Variants in ATP8B4 observed in about 807,000 individuals in gnomAD.
ATP8B4 encodes the protein ATPase phospholipid transporting 8B4 (putative).
Under a neutral mutation model 145.6 loss-of-function variants are expected in ATP8B4, and 133 were observed. The observed-to-expected ratio is 0.91, with a 90% CI of 0.79 to 1.05. The LOEUF (loss-of-function observed/expected upper bound fraction) is 1.05. ATP8B4 is among the 50% of genes least tolerant of loss of function. The pLI is 0.00. For missense variants in ATP8B4, 1,458 were observed against 1,425.2 expected (o/e 1.02, Z -0.37); for synonymous variants, 507 against 492.9 (o/e 1.03, Z -0.38).
chr15:49,926,354 T>G (rs770215852), intron 16 of ATP8B4, among the ~76,000 whole-genome samples: 1 of 152,096 alleles, frequency 6.6e-6, no homozygotes, highest in Non-Finnish European at 1.5e-5. Flanking sequence ...CAGTTCTCCC[T>G]TCACCAACCA....
chr15:50,001,524 G>A (rs2047893437), intron 8 of ATP8B4, among the ~76,000 whole-genome samples: 4 of 152,090 alleles, frequency 2.6e-5, no homozygotes, highest in Admixed American at 1.3e-4. Context: ...TTCATTGTCT[G>A]TACAATAGGG....
chr15:50,101,950 C>T (rs2056382186), intron 2 of ATP8B4, among the ~76,000 whole-genome samples: 1 of 151,944 alleles, frequency 6.6e-6, no homozygotes, highest in African/African-American at 2.4e-5. Context: ...CCCTTAAAAC[C>T]ATGCAAATAA....
At chr15:49,964,932 C>T (rs1252031343) in intron 13 of ATP8B4, among the ~76,000 whole-genome samples, 5 of 152,106 alleles carry the variant, frequency 3.3e-5, no homozygotes, top group Admixed American at 2.6e-4. Flanking sequence ...AAAATATTTT[C>T]AATATTCTGA....
Position 49,969,570 on chromosome 15 carries a change from C to T in ATP8B4, c.1243+3012G>A, listed in dbSNP as rs570787703. Among the ~76,000 whole-genome samples, 5 of 152,172 alleles carry T rather than the reference C, an allele frequency of 3.3e-5. No homozygotes were observed. In the South Asian group the frequency reaches 1.0e-3, roughly 32 times the overall value. On this transcript the variant is annotated intron_variant, in intron 13 of 27. Transcript: ENST00000284509. ...ACACATCAACCTCCCAAGACTAAACCAGGAAGAAGTCAAATGCCTGAATAG... is the reference window on the plus strand; with the variant it reads ...ACACATCAACCTCCCAAGACTAAACTAGGAAGAAGTCAAATGCCTGAATAG...
chr15:49,945,227 C>T (rs777126173), intron 14 of ATP8B4, among the ~76,000 whole-genome samples: 4 of 151,860 alleles, frequency 2.6e-5, no homozygotes, highest in Admixed American at 1.3e-4. Flanking sequence ...AAGAGACTTA[C>T]GAAAAGTTAT....
chr15:49,939,317 G>A (rs554520623), intron 14 of ATP8B4, among the ~76,000 whole-genome samples: 2 of 151,938 alleles, frequency 1.3e-5, no homozygotes, highest in Admixed American at 6.6e-5. Context: ...CCAAAAGTTG[G>A]TTTTTTTGAA....
chr15:50,052,131 T>C (rs1204061792), intron 3 of ATP8B4, among the ~76,000 whole-genome samples: 1 of 152,206 alleles, frequency 6.6e-6, no homozygotes, highest in African/African-American at 2.4e-5. Flanking sequence ...ACTGCATTGG[T>C]AAGACCTTAA....
At chr15:49,875,506 C>T (rs1348503088) in intron 25 of ATP8B4, among the ~76,000 whole-genome samples, 1 of 152,186 alleles carries the variant, frequency 6.6e-6, no homozygotes. Flanking sequence ...ACATAGCTTG[C>T]TGTACCTACT....
intron 13 of ATP8B4, among the ~76,000 whole-genome samples, chr15:49,962,459 A>G (rs2044166957): frequency 6.6e-6 from 1 of 152,218 alleles, no homozygotes; most frequent in Non-Finnish European, 1.5e-5. Context: ...TGTAATATCA[A>G]GATCAAATTA....
intron 21 of ATP8B4, among the ~76,000 whole-genome samples, chr15:49,899,191 G>A (rs563471905): frequency 4.0e-5 from 6 of 151,856 alleles, no homozygotes; most frequent in African/African-American, 1.2e-4. Flanking sequence ...GCTCTTTCTT[G>A]CCTCTGTGCC....
At chr15:50,019,523 A>C (rs1225916521) in intron 6 of ATP8B4, among the ~76,000 whole-genome samples, 2 of 152,232 alleles carry the variant, frequency 1.3e-5, no homozygotes, top group Non-Finnish European at 2.9e-5. Flanking sequence ...TATACATTTA[A>C]AATACTGTGA....
intron 1 of ATP8B4, among the ~76,000 whole-genome samples, chr15:50,151,366 ATT>A (rs964825574): frequency 1.3e-5 from 2 of 152,204 alleles, no homozygotes; most frequent in African/African-American, 4.8e-5. Context: ...GCAGATTTAG[ATT>A]TTACCTATAG....
intron 23 of ATP8B4, chr15:49,895,591 T>C (rs1451957260): frequency 3.9e-5 from 6 of 152,258 alleles, no homozygotes; most frequent in Non-Finnish European, 8.8e-5. Flanking sequence ...ACAGGTGGTG[T>C]GCCTTACAGC....
intron 12 of ATP8B4, among the ~76,000 whole-genome samples, chr15:49,977,337 T>G (rs889220287): frequency 6.6e-5 from 10 of 152,180 alleles, no homozygotes; most frequent in Non-Finnish European, 1.3e-4. Context: ...AAGATCAGAA[T>G]CACTGTACTT....
Position 49,887,430 on chromosome 15 carries a change from C to T in ATP8B4, c.2698-7971G>A, listed in dbSNP as rs533588636. ...GAGGTTGAGGGATGATGACTCTTTT[C>T]AGATTTCTAGGTCGACACTCTGATT... On this transcript the variant is annotated intron_variant, in intron 23 of 27. Coordinates refer to ENST00000284509, the MANE Select transcript of ATP8B4 (RefSeq NM_024837.4). 4.1e-5 allele frequency among the ~76,000 whole-genome samples: 6 copies of T among 144,632 alleles called. No homozygotes were observed. In the South Asian group the frequency reaches 1.5e-3, roughly 35 times the overall value. The allele number at this position is 144,632 out of a possible 152,430, so 94.9% of individuals were successfully genotyped here.
At chr15:50,135,870 A>G (rs933940308) in intron 1 of ATP8B4, among the ~76,000 whole-genome samples, 10 of 152,192 alleles carry the variant, frequency 6.6e-5, no homozygotes, top group African/African-American at 2.4e-4. Flanking sequence ...GAAGAATGCT[A>G]AATTCTCACT....
At chr15:49,926,819 T>G (rs941299187) in intron 16 of ATP8B4, among the ~76,000 whole-genome samples, 2 of 152,206 alleles carry the variant, frequency 1.3e-5, no homozygotes, top group Non-Finnish European at 2.9e-5. Context: ...TCCAGTTAGA[T>G]GCAACAGCAG....
intron 1 of ATP8B4, among the ~76,000 whole-genome samples, chr15:50,138,992 G>A (rs1189908900): frequency 5.9e-5 from 9 of 152,190 alleles, no homozygotes; most frequent in African/African-American, 9.7e-5. Context: ...ATTGGTGGGA[G>A]TGTAAATTAG....
chr15:50,123,544 T>G (rs559057035), upstream of ATP8B4, among the ~76,000 whole-genome samples: 2 of 152,246 alleles, frequency 1.3e-5, no homozygotes, highest in Admixed American at 1.3e-4. Context: ...TGATTTCATC[T>G]TCAACTCGAC....
Sources: allele counts gnomAD v4.1 joint callset (sites outside exome capture counted in the v4.1 genomes callset), GRCh38; gene constraint gnomAD v4.1.1; transcripts MANE v1.5; gene names NCBI Gene and HGNC (gene_info 2026-07-23, HGNC 2026-07-21).